Variants in LCP2 observed in about 807,000 individuals in gnomAD.
LCP2 encodes the protein 76 kDa tyrosine phosphoprotein.
In LCP2, 29 loss-of-function variants were observed where a neutral mutation model predicts 74.5. The observed-to-expected ratio is 0.39, with a 90% CI of 0.29 to 0.53. LCP2 has a LOEUF of 0.53. LCP2 is among the 20% of genes least tolerant of loss of function. The probability of loss-of-function intolerance (pLI) is 0.72; values close to 1 mark genes in which losing one functional copy is unlikely to be tolerated. For missense variants in LCP2, 604 were observed against 634.6 expected, an observed-to-expected ratio of 0.95 and a Z score of 0.52; for synonymous variants, 228 against 229.5, an observed-to-expected ratio of 0.99 and a Z score of 0.06.
intron 2 of LCP2, 99 bp downstream of exon 2, chr5:170,293,211 G>T: frequency 8.6e-7 from 1 of 1,166,922 alleles, no homozygotes; most frequent in Non-Finnish European, 1.2e-6. Flanking sequence ...AGGGATCCTC[G>T]GGTGTCCCCA....
Position 170,256,656 on chromosome 5 carries a change from G to A in LCP2, c.1101-81C>T, listed in dbSNP as rs1299852828. The stretch of plus-strand genomic sequence containing the variant: ...AGGGGAGCTGGGTTAGGGAAGCCAG[G>A]CTGCAAATGCTTCTTGATTTGGTAT... On this transcript the variant is annotated intron_variant, in intron 16 of 20. Coordinates refer to ENST00000046794, the MANE Select transcript of LCP2 (RefSeq NM_005565.5). The surrounding 1 kb of genome is among the most constrained non-coding windows in gnomAD (Gnocchi z 4.5). The A allele has an allele frequency of 2.1e-6, 2 of 945,888 alleles. No individual in the cohort carries two copies. The highest frequency in any genetic ancestry group is 3.5e-6 in the Non-Finnish European group (2 of 575,780). The allele number at this position is 945,888 out of a possible 1,614,324, so 58.6% of individuals were successfully genotyped here.
At chr5:170,271,970 C>T (rs1305984402) in intron 6 of LCP2, among the ~76,000 whole-genome samples, 3 of 152,148 alleles carry the variant, frequency 2.0e-5, no homozygotes, top group Non-Finnish European at 4.4e-5. Context: ...AACAGAGGGG[C>T]AAAGTGAGCA....
chr5:170,290,952 A>AAAAGAAAGAAAGAAAAGAAAG (rs1762278258), intron 2 of LCP2, among the ~76,000 whole-genome samples: 1 of 116,954 alleles, frequency 8.6e-6, no homozygotes, highest in African/African-American at 3.6e-5. Flanking sequence ...AGAAAGAAAG[A>AAAAGAAAGAAAGAAAAGAAAG]AAAGAAAGAA....
At chr5:170,285,652 T>A (rs560967454) in intron 3 of LCP2, among the ~76,000 whole-genome samples, 43 of 151,958 alleles carry the variant, frequency 2.8e-4, no homozygotes, top group African/African-American at 1.0e-3. Flanking sequence ...CGAATGACTA[T>A]GTTTTCCAGC....
At chr5:170,272,682 G>A (rs974652668) in intron 6 of LCP2, among the ~76,000 whole-genome samples, 11 of 124,214 alleles carry the variant, frequency 8.9e-5, no homozygotes, top group East Asian at 6.9e-4. Flanking sequence ...GTGCAATCTC[G>A]GCTTACTGCA....
In LCP2 at chr5:170,250,753, CCAA is replaced by C; in HGVS notation, c.1453_1455del (p.Leu485del). On this transcript the variant is annotated inframe_deletion, in exon 20 of 21. Transcript: ENST00000046794. ...ACCTCTTTCCCTCGGAGTCCAGTTC[CCAA>C]CAAGTAAACTTGACTTTCCTTCTGA... is the stretch of plus-strand genomic sequence containing the variant. 6.2e-7 allele frequency: 1 copy of C among 1,613,428 alleles called. No individual in the cohort carries two copies. The highest frequency in any genetic ancestry group is 8.5e-7 in the Non-Finnish European group (1 of 1,179,426).
At chr5:170,257,901 T>C (rs1761584411) in intron 16 of LCP2, 136 bp downstream of exon 16, 1 of 897,794 alleles carries the variant, frequency 1.1e-6, no homozygotes, top group South Asian at 1.6e-5. Flanking sequence ...TTTGGTTTTA[T>C]GTCTTAAGAC....
chr5:170,280,481 C>A (rs992839828), intron 3 of LCP2, among the ~76,000 whole-genome samples: 6 of 152,160 alleles, frequency 3.9e-5, no homozygotes, highest in African/African-American at 1.4e-4. Flanking sequence ...TCCTTGTCAC[C>A]TGAGAAGCCG....
At position 170,262,970 on chromosome 5, in the gene LCP2, G is replaced by T; in HGVS notation, c.795C>A (p.Asp265Glu). ...FTLGKKPPFS[D>E]KPSIPAGRSL... ...AAAAAACAAGTTCACAGCTTACCTTGTCAGAAAATGGTGGTTTCTTTCCTG... is the reference window on the plus strand; with the variant it reads ...AAAAAACAAGTTCACAGCTTACCTTTTCAGAAAATGGTGGTTTCTTTCCTG... Residue 265 changes from aspartate to glutamate, a missense_variant, in exon 11 of 21, where the codon GAC (aspartate) becomes GAA (glutamate). Transcript: ENST00000046794. The T allele has an allele frequency of 1.2e-6, 2 of 1,614,018 alleles. No homozygotes were observed. Among genetic ancestry groups the T allele is most frequent in the Non-Finnish European group, 1.7e-6 (2 of 1,179,886 alleles).
chr5:170,287,174 C>T (rs1331005144), intron 3 of LCP2, among the ~76,000 whole-genome samples: 2 of 152,218 alleles, frequency 1.3e-5, no homozygotes. Flanking sequence ...AACAATGAGG[C>T]TTTGCGATGG....
At chr5:170,257,015 G>A (rs1761565623) in intron 16 of LCP2, among the ~76,000 whole-genome samples, 1 of 152,184 alleles carries the variant, frequency 6.6e-6, no homozygotes, top group Admixed American at 6.5e-5. Flanking sequence ...GGTGAGAAGG[G>A]AAGTGCATGT....
chr5:170,253,119 C>G lies in LCP2; in HGVS notation c.1245G>C (p.Glu415Asp). The G allele has an allele frequency of 6.2e-7, 1 of 1,601,900 alleles. No homozygotes were observed. The highest frequency in any genetic ancestry group is 8.5e-7 in the Non-Finnish European group (1 of 1,171,580). The part of the protein sequence containing the change: ...KPRPPSPAEE[E>D]NSLNEEWYVS... ...CAAAAATAAAAACATGCTCTCTTAC[C>G]TCTTCCTCCGCGGGGGATGGGGGCC... The change falls in exon 18 of 21, where the codon GAG becomes GAC. Residue 415 changes from glutamate (E) to aspartate (D), a missense_variant and splice_region_variant. Glu to Asp is a conservative substitution (Grantham distance 45, BLOSUM62 2). Coordinates refer to ENST00000046794, the MANE Select transcript of LCP2 (RefSeq NM_005565.5).
In LCP2 at chr5:170,297,721, C is replaced by T; in HGVS notation, c.-110G>A. On this transcript the variant is annotated 5_prime_UTR_variant, in exon 1 of 21. Transcript: ENST00000046794. ...CGTTCTTGGCTCTTCCAACTCCCAGCTACCCTGTGGAACACCCCTGTTGGA... is the reference window on the plus strand; with the variant it reads ...CGTTCTTGGCTCTTCCAACTCCCAGTTACCCTGTGGAACACCCCTGTTGGA... The T allele has an allele frequency of 1.2e-6, 1 of 868,850 alleles. No homozygotes were observed. The highest frequency in any genetic ancestry group is 1.8e-6 in the Non-Finnish European group (1 of 563,822). The allele number at this position is 868,850 out of a possible 1,614,324, so 53.8% of individuals were successfully genotyped here. A position where few individuals can be genotyped will look rare whatever the true frequency, so the allele number is the denominator to read the frequency against.
Position 170,262,630 on chromosome 5 carries a change from A to G in LCP2, c.926+5T>C, listed in dbSNP as rs1581061601. The G allele has an allele frequency of 6.2e-7, 1 of 1,604,878 alleles. No homozygotes were observed. Among genetic ancestry groups the G allele is most frequent in the African/African-American group, 1.3e-5 (1 of 74,886 alleles). ...TGACAAGCTCAAGCAACACCAGACA[A>G]TTACTTTGGCACAGGTGGCTTCTTC... On this transcript the variant is annotated splice_donor_5th_base_variant and intron_variant, in intron 13 of 20. Transcript: ENST00000046794.
rs892709671 is a variant in LCP2 at position 170,247,035 on chromosome 5, T to G, written c.*1662A>C. On this transcript the variant is annotated 3_prime_UTR_variant, in exon 21 of 21. Transcript: ENST00000046794. ...AATAGTTGCTTTGAAATCTATCAGGTCCTTCATTTTAGATATTTTTGAATT... is the reference window on the plus strand; with the variant it reads ...AATAGTTGCTTTGAAATCTATCAGGGCCTTCATTTTAGATATTTTTGAATT... 2 of 152,198 alleles carry G rather than the reference T, an allele frequency of 1.3e-5. No homozygotes were observed. The highest frequency in any genetic ancestry group is 4.8e-5 in the African/African-American group (2 of 41,466). The allele number at this position is 152,198 out of a possible 1,614,324, so 9.4% of individuals were successfully genotyped here.
chr5:170,266,961 G>A lies in LCP2; in HGVS notation c.688+48C>T, dbSNP rs764420750. 3 of 1,611,050 alleles carry A rather than the reference G, an allele frequency of 1.9e-6. No individual in the cohort carries two copies. The South Asian group carries it at 3.3e-5, about 18-fold the overall frequency. ...CGGCTGGGGGTTGGGCGGGGCTAGGGGAGTGCCTGGTGGGAACAGGGCAAG... is the reference window on the plus strand; with the variant it reads ...CGGCTGGGGGTTGGGCGGGGCTAGGAGAGTGCCTGGTGGGAACAGGGCAAG... On this transcript the variant is annotated intron_variant, in intron 9 of 20. Transcript: ENST00000046794.
At chr5:170,269,037 T>C (rs1170240092) in intron 7 of LCP2, among the ~76,000 whole-genome samples, 1 of 152,168 alleles carries the variant, frequency 6.6e-6, no homozygotes, top group African/African-American at 2.4e-5. Context: ...CTGTCTGCCC[T>C]TCCTTCCCCT....
At chr5:170,274,166 C>G in intron 6 of LCP2, 135 bp downstream of exon 6, 1 of 906,850 alleles carries the variant, frequency 1.1e-6, no homozygotes, top group Non-Finnish European at 1.8e-6. Context: ...GTGCAGAGCA[C>G]CTTTTCTGGG....
intron 14 of LCP2, among the ~76,000 whole-genome samples, chr5:170,260,029 T>C (rs1191144738): frequency 1.3e-5 from 2 of 152,224 alleles, no homozygotes; most frequent in Admixed American, 1.3e-4. Flanking sequence ...TCACTGTCCC[T>C]GCAGCCTCCG....
Sources: gnomAD v4.1 joint callset for allele counts (sites outside exome capture counted in the v4.1 genomes callset) on GRCh38, gnomAD v4.1.1 for gene constraint, Gnocchi (gnomAD v3.1) non-coding constraint, MANE v1.5 for transcripts, NCBI Gene and HGNC (gene_info 2026-07-23, HGNC 2026-07-21) for gene names.